The following GATA4 variants were observed in gnomAD, a reference collection of about 807,000 sequenced individuals.
GATA4 encodes the protein transcription factor GATA-4.
Under a neutral mutation model 37.9 loss-of-function variants are expected in GATA4, and 7 were observed. The observed-to-expected ratio is 0.18, with a 90% CI of 0.11 to 0.35. The LOEUF is 0.35. GATA4 is among the 10% of genes least tolerant of loss of function. The pLI is 1.00. For missense variants in GATA4, 647 were observed against 653.0 expected (o/e 0.99, Z 0.10); for synonymous variants, 372 against 292.6 (o/e 1.27, Z -2.77).
At chr8:11,715,211 T>A (rs1426779157) in intron 2 of GATA4, among the ~76,000 whole-genome samples, 1 of 152,144 alleles carries the variant, frequency 6.6e-6, no homozygotes, top group Non-Finnish European at 1.5e-5. Context: ...AAAAAGATTA[T>A]ATTCACTTGA....
At position 11,747,999 on chromosome 8, in the gene GATA4, G is replaced by A. The variant is rs187788082; in HGVS notation, c.617-917G>A. 5.1e-4 allele frequency among the ~76,000 whole-genome samples: 78 copies of A among 151,872 alleles called. 1 individual carries two copies. The highest frequency in any genetic ancestry group is 3.4e-3 in the Middle Eastern group (1 of 290). On this transcript the variant is annotated intron_variant, in intron 2 of 6. Coordinates refer to ENST00000532059, the MANE Select transcript of GATA4 (RefSeq NM_001308093.3). ...ACCCAGTACTTTGGGAGGCTGAGGCGGGTGGACCATTTGAGGTCAGGAGTT... is the reference window on the plus strand; with the variant it reads ...ACCCAGTACTTTGGGAGGCTGAGGCAGGTGGACCATTTGAGGTCAGGAGTT...
chr8:11,712,056 C>T (rs1454784698), intron 2 of GATA4, among the ~76,000 whole-genome samples: 1 of 152,194 alleles, frequency 6.6e-6, no homozygotes, highest in African/African-American at 2.4e-5. Flanking sequence ...GGTCTCACCT[C>T]TTTTTCTGTA....
At chr8:11,756,028 T>A (rs936284424) in intron 5 of GATA4, among the ~76,000 whole-genome samples, 2 of 151,784 alleles carry the variant, frequency 1.3e-5, no homozygotes, top group African/African-American at 4.8e-5. Flanking sequence ...TAAAATTATA[T>A]ATAAATTTCT....
chr8:11,704,097 T>G (rs1291838492), upstream of GATA4: 2 of 152,266 alleles, frequency 1.3e-5, no homozygotes, highest in African/African-American at 4.8e-5. Context: ...CCAGCGGAGG[T>G]GTAGCCGGGG....
chr8:11,699,996 G>T (rs965515868), upstream of GATA4, among the ~76,000 whole-genome samples: 1 of 152,168 alleles, frequency 6.6e-6, no homozygotes, highest in Non-Finnish European at 1.5e-5. Context: ...AGGAATCCAG[G>T]TTCTAGACCT....
At chr8:11,683,680 G>A (rs1167391012) in intron 1 of GATA4, among the ~76,000 whole-genome samples, 1 of 152,156 alleles carries the variant, frequency 6.6e-6, no homozygotes, top group Non-Finnish European at 1.5e-5. Context: ...AGACTGGGGC[G>A]GGACCCTAAA....
In GATA4 at chr8:11,709,547, C is replaced by T. The variant is rs556111264; in HGVS notation, c.616+619C>T. On this transcript the variant is annotated intron_variant, in intron 2 of 6. Coordinates refer to ENST00000532059, the MANE Select transcript of GATA4 (RefSeq NM_001308093.3). This position sits in a 1 kb window ranked among gnomAD's most constrained non-coding sequence, Gnocchi z 4.3. The stretch of plus-strand genomic sequence containing the variant: ...CGGCACTGTGCGGGTGCCACCCGGC[C>T]GAGCGCGTGGGCGCATCATGCGGGC... 3.2e-5 allele frequency among the ~76,000 whole-genome samples: 4 copies of T among 123,366 alleles called. No individual in the cohort carries two copies. Among genetic ancestry groups the T allele is most frequent in the African/African-American group, 1.3e-4 (4 of 29,762 alleles). 80.9% of individuals were successfully genotyped at this position (123,366 alleles called of 152,430 possible). A position where few individuals can be genotyped will look rare whatever the true frequency, so the allele number is the denominator to read the frequency against.
intron 1 of GATA4, chr8:11,706,043 T>C (rs967132486): frequency 6.6e-6 from 1 of 152,216 alleles, no homozygotes; most frequent in Non-Finnish European, 1.5e-5. Flanking sequence ...GGTAAACCCA[T>C]AATTCTTTAA....
At chr8:11,687,190 A>C (rs1799164593) in intron 1 of GATA4, among the ~76,000 whole-genome samples, 1 of 152,100 alleles carries the variant, frequency 6.6e-6, no homozygotes, top group South Asian at 2.1e-4. Context: ...AAAACGCTTC[A>C]TTCTCTGCTA....
At chr8:11,756,542 T>G in intron 5 of GATA4, 1 of 324,888 alleles carries the variant, frequency 3.1e-6, no homozygotes, top group South Asian at 2.7e-5. Flanking sequence ...CTCTGTTTAC[T>G]CCATTCAGTA....
chr8:11,683,032 C>CG (rs1423355306), intron 1 of GATA4: 2 of 983,024 alleles, frequency 2.0e-6, no homozygotes, highest in South Asian at 4.7e-5. Context: ...CCTCGGTGCG[C>CG]GGGGGTTTCT....
intron 2 of GATA4, among the ~76,000 whole-genome samples, chr8:11,747,109 A>G (rs1802069964): frequency 6.6e-6 from 1 of 152,224 alleles, no homozygotes; most frequent in Admixed American, 6.5e-5. Flanking sequence ...TCCCAACTCA[A>G]TAAAAGCACC....
upstream of GATA4, among the ~76,000 whole-genome samples, chr8:11,700,053 T>C (rs1216508609): frequency 6.6e-6 from 1 of 152,206 alleles, no homozygotes; most frequent in Non-Finnish European, 1.5e-5. Context: ...CCTTAACCTC[T>C]CTGAGCCTCC....
rs774778737 is a variant in GATA4 at position 11,708,403 on chromosome 8, G to A, written c.91G>A (p.Gly31Ser). ...CCCCGGCGCCTTCATGCACGGCGCG[G>A]GCGCCGCGTCCTCGCCAGTCTACGT... ...GGPGAFMHGAGAASSPVYVPT... is the reference protein window; with the variant it reads ...GGPGAFMHGASAASSPVYVPT... The change falls in exon 2 of 7, where the codon GGC becomes AGC. Residue 31 changes from glycine to serine, a missense_variant. This residue lies in a region of GATA4 where 379 missense variants were observed against 334.5 expected (regional missense o/e 1.13). Transcript: ENST00000532059. This position sits in a 1 kb window ranked among gnomAD's most constrained non-coding sequence, Gnocchi z 6.7. 8 of 1,541,346 alleles carry A rather than the reference G, an allele frequency of 5.2e-6. No homozygotes were observed. The South Asian group carries it at 5.9e-5, about 11-fold the overall frequency.
chr8:11,732,680 T>C (rs1409227096), intron 2 of GATA4, among the ~76,000 whole-genome samples: 1 of 152,200 alleles, frequency 6.6e-6, no homozygotes, highest in Non-Finnish European at 1.5e-5. Context: ...GAGGAGGATG[T>C]GTGTCTGGTC....
intron 2 of GATA4, among the ~76,000 whole-genome samples, chr8:11,743,146 G>A (rs1425143295): frequency 1.3e-5 from 2 of 152,208 alleles, no homozygotes; most frequent in Non-Finnish European, 2.9e-5. Context: ...TGGTGGGCTG[G>A]GCACCACTGT....
At chr8:11,683,242 G>C (rs1799033538) in intron 1 of GATA4, 9 of 624,016 alleles carry the variant, frequency 1.4e-5, no homozygotes, top group African/African-American at 2.0e-5. Context: ...CGGAGGGACG[G>C]GGCTGGCGTG....
At chr8:11,713,615 C>T (rs1800298037) in intron 2 of GATA4, among the ~76,000 whole-genome samples, 1 of 149,528 alleles carries the variant, frequency 6.7e-6, no homozygotes, top group Non-Finnish European at 1.5e-5. Flanking sequence ...TGGAGTATGA[C>T]TGTGTCCAAA....
chr8:11,738,291 CA>C (rs1168947449), intron 2 of GATA4, among the ~76,000 whole-genome samples: 1 of 151,788 alleles, frequency 6.6e-6, no homozygotes, highest in Non-Finnish European at 1.5e-5. Context: ...TTCCGTGAGC[CA>C]CCAAGACACC....
Sources: allele counts gnomAD v4.1 joint callset (sites outside exome capture counted in the v4.1 genomes callset), GRCh38; gene constraint gnomAD v4.1.1; regional missense constraint gnomAD v4.1.1; non-coding constraint Gnocchi (gnomAD v3.1); transcripts MANE v1.5; gene names NCBI Gene and HGNC (gene_info 2026-07-23, HGNC 2026-07-21).